The following HSPG2 variants were observed in gnomAD, a reference collection of about 807,000 sequenced individuals.
HSPG2 encodes the protein basement membrane-specific heparan sulfate proteoglycan core protein.
A neutral mutation model predicts 526.6 loss-of-function variants in HSPG2; 278 were observed. The ratio of observed to expected loss-of-function variants is 0.53; its 90% CI spans 0.48 to 0.58. The LOEUF (loss-of-function observed/expected upper bound fraction) is 0.58. Ranked by LOEUF, HSPG2 falls within the 20% of genes least tolerant of loss-of-function variation. The pLI, the probability that HSPG2 is intolerant of heterozygous loss-of-function variation, is 0.00. For missense variants in HSPG2, 5,354 were observed against 6,099.5 expected (o/e 0.88, Z 4.07); for synonymous variants, 2,465 against 2,555.4 (o/e 0.96, Z 1.07).
In HSPG2 at chr1:21,839,944, T is replaced by C; in HGVS notation, c.9587A>G (p.Lys3196Arg). ...LAQNALGTAQ[K>R]QVEVIVDTGA... The stretch of plus-strand genomic sequence containing the variant: ...CGTGTCCACGATCACCTCCACCTGC[T>C]TCTGTGCTGTGCCTAGTGCATTCTG... Residue 3196 changes from lysine to arginine, a missense_variant, in exon 72 of 97, where the codon AAG becomes AGG. By Grantham distance (26) the Lys-to-Arg change is conservative (BLOSUM62 2). Coordinates refer to ENST00000374695, the MANE Select transcript of HSPG2 (RefSeq NM_005529.7). The surrounding 1 kb of genome is among the most constrained non-coding windows in gnomAD (Gnocchi z 4.5). 3 of 1,614,162 alleles carry C rather than the reference T, an allele frequency of 1.9e-6. No homozygotes were observed. The highest frequency in any genetic ancestry group is 2.5e-6 in the Non-Finnish European group (3 of 1,180,034).
Position 21,878,166 on chromosome 1 carries a change from G to A in HSPG2, c.2685+20C>T. 1 of 1,611,360 alleles carries A rather than the reference G, an allele frequency of 6.2e-7. No individual in the cohort carries two copies. The highest frequency in any genetic ancestry group is 8.5e-7 in the Non-Finnish European group (1 of 1,178,172). ...TGCTGGGCCCAAGGCCCCTGGGTGG[G>A]TGGCAGATGGCACGCGTACCTTACA... On this transcript the variant is annotated intron_variant, in intron 21 of 96. Coordinates refer to ENST00000374695, the MANE Select transcript of HSPG2 (RefSeq NM_005529.7).
chr1:21,927,350 C>G (rs1293614059), intron 1 of HSPG2, among the ~76,000 whole-genome samples: 1 of 152,154 alleles, frequency 6.6e-6, no homozygotes, highest in Non-Finnish European at 1.5e-5. Context: ...CTGTGTGTCT[C>G]TCTCTCCTGA....
At chr1:21,837,590 T>C (rs1384331963) in intron 74 of HSPG2, among the ~76,000 whole-genome samples, 1 of 151,820 alleles carries the variant, frequency 6.6e-6, no homozygotes, top group Admixed American at 6.6e-5. Context: ...CGCCCGGCCA[T>C]ACTCAGACAT....
In HSPG2 at chr1:21,830,081, C is replaced by G; in HGVS notation, c.11682G>C (p.Gly3894=). Residue 3894 remains glycine (G), a synonymous_variant, in exon 86 of 97, where the codon GGG becomes GGC. Coordinates refer to ENST00000374695, the MANE Select transcript of HSPG2 (RefSeq NM_005529.7). The part of the protein sequence containing the change: ...QALHCHPEAC[G]PDATCVNRPD... ...GCCGGTTCACACAGGTGGCGTCGGG[C>G]CCACAGGCCTCTGGGGGGCACATAG... is the stretch of plus-strand genomic sequence containing the variant. 10 of 1,597,286 alleles carry G rather than the reference C, an allele frequency of 6.3e-6. No individual in the cohort carries two copies. Among genetic ancestry groups the G allele is most frequent in the Non-Finnish European group, 8.5e-6 (10 of 1,173,646 alleles).
At position 21,928,718 on chromosome 1, in the gene HSPG2, A is replaced by G. The variant is rs191572731; in HGVS notation, c.63+8437T>C. ...CAGCCTCCCAAAGTGCTGGGATTAC[A>G]GGCGTGAGCCACCGCGCCCATCCTT... On this transcript the variant is annotated intron_variant, in intron 1 of 96. Transcript: ENST00000374695. Among the ~76,000 whole-genome samples, 164 of 150,626 alleles carry G rather than the reference A, an allele frequency of 1.1e-3. 2 individuals are homozygous for G. In the East Asian group the frequency reaches 0.029, roughly 26 times the overall value.
rs1461769157 is a variant in HSPG2 at position 21,895,257 on chromosome 1, G to T, written c.244+665C>A. The stretch of plus-strand genomic sequence containing the variant: ...ATAAAGAGCCACAGGGCCTTGTCCT[G>T]GGGTAGGTCCTTCTCCACCCAGTAT... On this transcript the variant is annotated intron_variant, in intron 3 of 96. Transcript: ENST00000374695. This position sits in a 1 kb window ranked among gnomAD's most constrained non-coding sequence, Gnocchi z 4.1. Among the ~76,000 whole-genome samples the T allele has an allele frequency of 6.6e-6, 1 of 152,172 alleles. No homozygotes were observed. Among genetic ancestry groups the T allele is most frequent in the African/African-American group, 2.4e-5 (1 of 41,432 alleles).
intron 85 of HSPG2, chr1:21,830,408 C>T (rs964922855): frequency 8.5e-5 from 33 of 387,604 alleles, no homozygotes; most frequent in African/African-American, 2.5e-4. Flanking sequence ...GACTGGGGGC[C>T]GGGCGTGGGG....
chr1:21,922,233 G>A (rs949253286), intron 1 of HSPG2, among the ~76,000 whole-genome samples: 4 of 152,194 alleles, frequency 2.6e-5, no homozygotes, highest in Non-Finnish European at 4.4e-5. Flanking sequence ...GCTCAGAGAG[G>A]CGAACTCACC....
rs915771352 is a variant in HSPG2 at position 21,844,293 on chromosome 1, C to T, written c.8471G>A (p.Gly2824Asp). 1.9e-6 allele frequency: 3 copies of T among 1,612,414 alleles called. No homozygotes were observed. The highest frequency in any genetic ancestry group is 1.3e-5 in the African/African-American group (1 of 75,050). The change falls in exon 65 of 97, where the codon GGT becomes GAT. Residue 2824 changes from glycine (G) to aspartate (D), a missense_variant. Physicochemically the swap from Gly to Asp is moderately conservative, Grantham distance 94 (BLOSUM62 -1). Coordinates refer to ENST00000374695, the MANE Select transcript of HSPG2 (RefSeq NM_005529.7). ...CTCGATGCGGATGGGTGGGGCTCCA[C>T]CTGGGGCTGGGGCACAGGGGAGAGG... ...GSSAVHVPAP[G>D]GAPPIRIEPS...
In HSPG2 at chr1:21,880,474, T is replaced by C; in HGVS notation, c.2084A>G (p.Gln695Arg). 1 of 1,613,856 alleles carries C rather than the reference T, an allele frequency of 6.2e-7. No homozygotes were observed. The highest frequency in any genetic ancestry group is 8.5e-7 in the Non-Finnish European group (1 of 1,179,962). The change falls in exon 16 of 97, where the codon CAG (glutamine) becomes CGG (arginine). Residue 695 changes from glutamine (Q) to arginine (R), a missense_variant. Coordinates refer to ENST00000374695, the MANE Select transcript of HSPG2 (RefSeq NM_005529.7). ...VLQSLEAVLI[Q>R]TVYNTKMASV... ...GGCCATCTTGGTGTTGTACACGGTC[T>C]GGATGAGCACGGCCTCCAGGCTCTG...
intron 1 of HSPG2, among the ~76,000 whole-genome samples, chr1:21,933,047 CT>C (rs1644385461): frequency 6.6e-6 from 1 of 151,960 alleles, no homozygotes; most frequent in African/African-American, 2.4e-5. Flanking sequence ...TGGCAAAACC[CT>C]GTCTCTATAA....
rs77155090 is a variant in HSPG2, at chr1:21,902,893, C to T, written c.64-6583G>A. On this transcript the variant is annotated intron_variant, in intron 1 of 96. Coordinates refer to ENST00000374695, the MANE Select transcript of HSPG2 (RefSeq NM_005529.7). The stretch of plus-strand genomic sequence containing the variant: ...AACTTTAGTGAGTCTCTACTGTATG[C>T]ACTGGGCATCCACACCCACCATCTC... 5.8e-4 allele frequency among the ~76,000 whole-genome samples: 89 copies of T among 152,352 alleles called. No individual in the cohort carries two copies. In the East Asian group the frequency reaches 0.016, roughly 28 times the overall value.
At chr1:21,875,553 G>A in intron 25 of HSPG2, 76 bp downstream of exon 25, 1 of 1,054,802 alleles carries the variant, frequency 9.5e-7, no homozygotes, top group South Asian at 1.3e-5. Flanking sequence ...TCTGTAAGTG[G>A]CTGTGCTGTA....
chr1:21,892,153 C>T (rs531386417), intron 3 of HSPG2, among the ~76,000 whole-genome samples: 14 of 152,242 alleles, frequency 9.2e-5, no homozygotes, highest in Non-Finnish European at 1.9e-4. Flanking sequence ...TGCTCTGTGG[C>T]TCAGGTGAAG....
chr1:21,904,450 C>A lies in HSPG2; in HGVS notation c.64-8140G>T, dbSNP rs1442563444. Among the ~76,000 whole-genome samples, 1 of 152,140 alleles carries A rather than the reference C, an allele frequency of 6.6e-6. No individual in the cohort carries two copies. Among genetic ancestry groups the A allele is most frequent in the Admixed American group, 6.5e-5 (1 of 15,286 alleles). On this transcript the variant is annotated intron_variant, in intron 1 of 96. Coordinates refer to ENST00000374695, the MANE Select transcript of HSPG2 (RefSeq NM_005529.7). This position sits in a 1 kb window ranked among gnomAD's most constrained non-coding sequence, Gnocchi z 4.4. Reference sequence around the variant, plus strand: ...GGAGTCAAAGGGCGGCACGAGTGGGCTTTTCCATTTAAAAGGGCCGCCCCT... The same window carrying A: ...GGAGTCAAAGGGCGGCACGAGTGGGATTTTCCATTTAAAAGGGCCGCCCCT...
intron 1 of HSPG2, among the ~76,000 whole-genome samples, chr1:21,927,601 A>T (rs921452352): frequency 2.5e-4 from 38 of 151,876 alleles, no homozygotes; most frequent in Admixed American, 2.2e-3. Flanking sequence ...GCCCCTGGCC[A>T]CACCTCCTGT....
chr1:21,832,048 C>T (rs1420755261), intron 81 of HSPG2, among the ~76,000 whole-genome samples: 6 of 152,184 alleles, frequency 3.9e-5, no homozygotes, highest in Non-Finnish European at 2.9e-5. Context: ...AGGCTCAGCG[C>T]CCTGCAGCCT....
chr1:21,902,256 G>A (rs2152779066), intron 1 of HSPG2, among the ~76,000 whole-genome samples: 1 of 152,342 alleles, frequency 6.6e-6, no homozygotes, highest in South Asian at 2.1e-4. Flanking sequence ...GCATGCTTGT[G>A]CTGCCCGTGC....
intron 42 of HSPG2, 44 bp from the exon 43 acceptor site, chr1:21,857,429 C>A: frequency 6.4e-7 from 1 of 1,564,670 alleles, no homozygotes. Flanking sequence ...GCTGGCTAGG[C>A]CCCGGTCCTG....
Sources: allele counts gnomAD v4.1 joint callset (sites outside exome capture counted in the v4.1 genomes callset), GRCh38; gene constraint gnomAD v4.1.1; non-coding constraint Gnocchi (gnomAD v3.1); transcripts MANE v1.5; gene names NCBI Gene and HGNC (gene_info 2026-07-23, HGNC 2026-07-21).